The following DELE1 variants were observed in gnomAD, a reference collection of about 807,000 sequenced individuals.
DELE1 encodes death ligand signal enhancer.
DELE1 carries 54 observed loss-of-function variants against 59.3 expected under a neutral mutation model. The ratio of observed to expected loss-of-function variants is 0.91; its 90% CI spans 0.73 to 1.14. DELE1 has a LOEUF of 1.14. Ranked by LOEUF, DELE1 falls within the 50% of genes most tolerant of loss-of-function variation. The pLI is 0.00. For missense variants in DELE1, 636 were observed against 643.9 expected (o/e 0.99, Z 0.13); for synonymous variants, 264 against 259.1 (o/e 1.02, Z -0.18).
intron 10 of DELE1, chr5:141,935,087 C>G (rs1192391489): frequency 6.5e-6 from 1 of 155,018 alleles, no homozygotes; most frequent in East Asian, 1.9e-4. Context: ...AAAAACACAT[C>G]ATTACAAGTG....
intron 11 of DELE1, among the ~76,000 whole-genome samples, chr5:141,937,658 C>G (rs1490046887): frequency 6.7e-6 from 1 of 149,218 alleles, no homozygotes; most frequent in Non-Finnish European, 1.5e-5. Flanking sequence ...GTGGTCCCAG[C>G]TACTCGGGAG....
intron 7 of DELE1, among the ~76,000 whole-genome samples, chr5:141,930,976 A>G (rs1221550898): frequency 6.6e-6 from 1 of 152,218 alleles, no homozygotes; most frequent in Non-Finnish European, 1.5e-5. Flanking sequence ...CTGGGGATAC[A>G]GTGATTTACA....
At chr5:141,930,653 T>C (rs1751831853) in intron 7 of DELE1, among the ~76,000 whole-genome samples, 2 of 152,178 alleles carry the variant, frequency 1.3e-5, no homozygotes, top group Non-Finnish European at 2.9e-5. Context: ...TTACTGTGTA[T>C]GAAGGAAAAA....
In DELE1 at chr5:141,930,223, T is replaced by C. The variant is rs148454369; in HGVS notation, c.703T>C (p.Ser235Pro). The change falls in exon 7 of 12, where the codon TCC becomes CCC. Residue 235 changes from serine (S) to proline (P), a missense_variant. Physicochemically the swap from Ser to Pro is moderately conservative, Grantham distance 74 (BLOSUM62 -1). Transcript: ENST00000432126. ...TCTTTCCCTTGAGGAGGCTGTGACT[T>C]CCATTCAGCAGCTCTTCCAGCTCAG... Reference protein sequence around the residue: ...KTLSLEEAVTSIQQLFQLSVS... With the variant: ...KTLSLEEAVTPIQQLFQLSVS... 9.8e-5 allele frequency: 158 copies of C among 1,614,036 alleles called. 1 individual carries two copies. In the African/African-American group the frequency reaches 2.0e-3, roughly 20 times the overall value.
Position 141,934,587 on chromosome 5 carries a change from G to A in DELE1, c.1149+1G>A, listed in dbSNP as rs761204928. 143 of 1,613,608 alleles carry A rather than the reference G, an allele frequency of 8.9e-5. No homozygotes were observed. Among genetic ancestry groups the A allele is most frequent in the Middle Eastern group, 1.6e-4 (1 of 6,084 alleles). ...TCTTTGGCTTGCAGCCAACAATGGG[G>A]TATGCGATCTCAGTGGACAAGCATG... is the stretch of plus-strand genomic sequence containing the variant. On this transcript the variant is annotated splice_donor_variant, in intron 10 of 11. Coordinates refer to ENST00000432126, the MANE Select transcript of DELE1 (RefSeq NM_014773.5). LOFTEE classifies it high-confidence loss of function.
chr5:141,932,661 A>G (rs1752004540), intron 7 of DELE1, among the ~76,000 whole-genome samples: 2 of 152,352 alleles, frequency 1.3e-5, no homozygotes, highest in South Asian at 4.1e-4. Context: ...GAACACAAGC[A>G]CATTGATTGA....
rs151300176 is a variant in DELE1, at chr5:141,935,914, C to T, written c.1150-1284C>T. On this transcript the variant is annotated intron_variant, in intron 10 of 11. Transcript: ENST00000432126. The stretch of plus-strand genomic sequence containing the variant: ...TTGCAGGGGTGGTGTTTTGGCCTTA[C>T]GTGTGTCCACTGCTGTGTTGTAACG... Among the ~76,000 whole-genome samples, 880 of 152,274 alleles carry T rather than the reference C, an allele frequency of 5.8e-3. 5 individuals are homozygous for T. Among genetic ancestry groups the T allele is most frequent in the Non-Finnish European group, 0.01 (690 of 68,022 alleles).
intron 7 of DELE1, among the ~76,000 whole-genome samples, chr5:141,931,602 G>A (rs1751917845): frequency 6.6e-6 from 1 of 152,150 alleles, no homozygotes; most frequent in Non-Finnish European, 1.5e-5. Context: ...GTCTAGATGA[G>A]AGAAAGAAGA....
In DELE1 at chr5:141,938,676, G is replaced by A. The variant is rs2126902243; in HGVS notation, c.1465G>A (p.Ala489Thr). ...GLLCRSGHLG[A>T]SLEASSRAIP... ...CCTCTGCAGAAGTGGGCATCTCGGA[G>A]CCAGCCTGGAAGCCTCCAGCAGGGC... The change falls in exon 12 of 12, where the codon GCC (alanine) becomes ACC (threonine). Residue 489 changes from alanine to threonine, a missense_variant. Transcript: ENST00000432126. 2.5e-6 allele frequency: 4 copies of A among 1,614,122 alleles called. No individual in the cohort carries two copies. Among genetic ancestry groups the A allele is most frequent in the Non-Finnish European group, 2.5e-6 (3 of 1,180,034 alleles).
intron 1 of DELE1, 53 bp downstream of exon 1, chr5:141,924,025 G>C (rs948203484): frequency 1.3e-6 from 2 of 1,586,430 alleles, no homozygotes; most frequent in Non-Finnish European, 1.7e-6. Context: ...GACCGAACTG[G>C]AGTGGGGGCG....
intron 8 of DELE1, 63 bp from the exon 9 acceptor site, chr5:141,934,177 C>A: frequency 1.4e-6 from 2 of 1,406,388 alleles, no homozygotes; most frequent in Non-Finnish European, 1.9e-6. Flanking sequence ...TTAAAAATTT[C>A]ACTGAGTGCA....
chr5:141,934,067 A>AT (rs1288629199), intron 8 of DELE1, among the ~76,000 whole-genome samples, 173 bp from the exon 9 acceptor site: 1 of 152,112 alleles, frequency 6.6e-6, no homozygotes, highest in East Asian at 1.9e-4. Flanking sequence ...ATTTCTTGGG[A>AT]TTTTATGTTT....
At position 141,929,701 on chromosome 5, in the gene DELE1, T is replaced by A; in HGVS notation, c.532T>A (p.Ser178Thr). Residue 178 changes from serine to threonine, a missense_variant, in exon 5 of 12, where the codon TCT becomes ACT. Transcript: ENST00000432126. ...TCAGCCCCGGAACTTCTCACACAAC[T>A]CTTTGAGAGGAGCTCGTCCTCAGGA... ...SAQPRNFSHN[S>T]LRGARPQDPS... 6.2e-7 allele frequency: 1 copy of A among 1,614,110 alleles called. No homozygotes were observed. Among genetic ancestry groups the A allele is most frequent in the South Asian group, 1.1e-5 (1 of 91,074 alleles).
intron 10 of DELE1, among the ~76,000 whole-genome samples, chr5:141,936,504 A>G (rs1212265946): frequency 6.6e-6 from 1 of 152,194 alleles, no homozygotes; most frequent in Non-Finnish European, 1.5e-5. Flanking sequence ...GCGCGATCTC[A>G]GCGCACTGCA....
chr5:141,925,673 A>G, intron 3 of DELE1, 146 bp downstream of exon 3: 1 of 491,846 alleles, frequency 2.0e-6, no homozygotes, highest in Non-Finnish European at 3.6e-6. Flanking sequence ...ATTCAAGGAG[A>G]TATTGCCACT....
chr5:141,937,362 A>G lies in DELE1; in HGVS notation c.1309+5A>G, dbSNP rs745515360. 1.2e-6 allele frequency: 2 copies of G among 1,613,774 alleles called. No individual in the cohort carries two copies. The highest frequency in any genetic ancestry group is 1.7e-6 in the Non-Finnish European group (2 of 1,179,950). On this transcript the variant is annotated splice_donor_5th_base_variant and intron_variant, in intron 11 of 11. Coordinates refer to ENST00000432126, the MANE Select transcript of DELE1 (RefSeq NM_014773.5). ...TCTTTTCCATGGGGGCTGCAGGTAC[A>G]GACCCAAGTCCAAGCCAACAGGTTC... is the stretch of plus-strand genomic sequence containing the variant.
chr5:141,926,099 C>T (rs548536440), intron 3 of DELE1, among the ~76,000 whole-genome samples: 127 of 152,052 alleles, frequency 8.4e-4, no homozygotes, highest in African/African-American at 1.8e-3. Flanking sequence ...AGGATGGTCT[C>T]GAACTCCTGA....
chr5:141,927,208 CAAGT>C (rs1561509055), intron 3 of DELE1, among the ~76,000 whole-genome samples: 1 of 152,190 alleles, frequency 6.6e-6, no homozygotes, highest in African/African-American at 2.4e-5. Context: ...CCTGGAGCAA[CAAGT>C]AAGTATCTGG....
chr5:141,928,519 G>A (rs1751614282), intron 4 of DELE1, among the ~76,000 whole-genome samples: 1 of 152,198 alleles, frequency 6.6e-6, no homozygotes, highest in Admixed American at 6.5e-5. Context: ...CCAACCAAGG[G>A]AGGCCCACAG....
Sources: allele counts gnomAD v4.1 joint callset (sites outside exome capture counted in the v4.1 genomes callset), GRCh38; gene constraint gnomAD v4.1.1; transcripts MANE v1.5; gene names NCBI Gene and HGNC (gene_info 2026-07-23, HGNC 2026-07-21).